Variants in NDUFS1 observed in about 807,000 individuals in gnomAD.
NDUFS1 encodes NADH-ubiquinone oxidoreductase 75 kDa subunit, mitochondrial.
Under a neutral mutation model 84.4 loss-of-function variants are expected in NDUFS1, and 61 were observed. The ratio of observed to expected loss-of-function variants is 0.72; its 90% CI spans 0.59 to 0.89. The LOEUF (loss-of-function observed/expected upper bound fraction) is 0.89. NDUFS1 is among the 40% of genes least tolerant of loss of function. NDUFS1 has a pLI of 0.00. For missense variants in NDUFS1, 891 were observed against 890.0 expected, an observed-to-expected ratio of 1.00 and a Z score of -0.01; for synonymous variants, 275 against 290.0, an observed-to-expected ratio of 0.95 and a Z score of 0.53.
chr2:206,157,330 A>G (rs1391204525), intron 1 of NDUFS1, among the ~76,000 whole-genome samples: 1 of 151,788 alleles, frequency 6.6e-6, no homozygotes, highest in African/African-American at 2.4e-5. Context: ...TTTTTGTTTT[A>G]CTTACTAAAC....
In NDUFS1 at chr2:206,132,798, C is replaced by T. The variant is rs183203559; in HGVS notation, c.1553+147G>A. 9.3e-4 allele frequency: 605 copies of T among 649,462 alleles called. 1 individual carries two copies. The highest frequency in any genetic ancestry group is 1.2e-3 in the Non-Finnish European group (453 of 388,008). The allele number at this position is 649,462 out of a possible 1,614,324, so 40.2% of individuals were successfully genotyped here. A position where few individuals can be genotyped will look rare whatever the true frequency, so the allele number is the denominator to read the frequency against. On this transcript the variant is annotated intron_variant, in intron 14 of 18. Transcript: ENST00000233190. ...CTTATCATCTCGGGCTCTTCTCACA[C>T]AGAGTAAAGGTCTATATTTCACATG...
In NDUFS1 at chr2:206,144,126, G is replaced by A. The variant is rs1692071906; in HGVS notation, c.879C>T (p.Ala293=). 6.2e-7 allele frequency: 1 copy of A among 1,611,448 alleles called. No individual in the cohort carries two copies. Among genetic ancestry groups the A allele is most frequent in the Non-Finnish European group, 8.5e-7 (1 of 1,177,658 alleles). ...EEWISDKTRF[A]YDGLKRQRLT... ...GTCTTTGACGTTTTAGCCCATCATA[G>A]GCAAATCTAGAAAACAGAAATTACA... The change falls in exon 10 of 19, where the codon GCC becomes GCT. Residue 293 remains alanine (A), a synonymous_variant. Coordinates refer to ENST00000233190, the MANE Select transcript of NDUFS1 (RefSeq NM_005006.7).
chr2:206,145,033 A>T lies in NDUFS1; in HGVS notation c.738-7T>A. 1.2e-6 allele frequency: 2 copies of T among 1,613,480 alleles called. No homozygotes were observed. Among genetic ancestry groups the T allele is most frequent in the Non-Finnish European group, 1.7e-6 (2 of 1,179,730 alleles). ...ATCAATGGATTCTGTCTTTCTGAGA[A>T]ACACATACGGTGTTTACTATGGTGC... On this transcript the variant is annotated splice_region_variant and splice_polypyrimidine_tract_variant and intron_variant, in intron 8 of 18. Transcript: ENST00000233190.
chr2:206,152,676 A>G (rs1471967901), intron 2 of NDUFS1, among the ~76,000 whole-genome samples, 166 bp from the exon 3 acceptor site: 2 of 149,538 alleles, frequency 1.3e-5, no homozygotes, highest in Admixed American at 1.3e-4. Context: ...ATAGCAGAGT[A>G]GTTTAAACTG....
intron 16 of NDUFS1, chr2:206,127,512 T>C (rs1279623675): frequency 3.2e-6 from 1 of 313,186 alleles, no homozygotes; most frequent in East Asian, 7.1e-5. Flanking sequence ...AGAAAAACTC[T>C]GTCTCAAAAA....
intron 15 of NDUFS1, 94 bp from the exon 16 acceptor site, chr2:206,128,066 T>C: frequency 1.4e-6 from 2 of 1,398,260 alleles, no homozygotes; most frequent in South Asian, 1.2e-5. Flanking sequence ...AAATCCCATT[T>C]TGTAAAGTCA....
intron 4 of NDUFS1, 149 bp from the exon 5 acceptor site, chr2:206,149,245 T>C (rs1257186821): frequency 3.0e-6 from 2 of 661,788 alleles, no homozygotes; most frequent in African/African-American, 3.6e-5. Context: ...AAACTGAATT[T>C]TGTTAAGTTT....
At chr2:206,127,764 T>C (rs1691348535) in intron 16 of NDUFS1, 33 bp downstream of exon 16, 9 of 1,607,944 alleles carry the variant, frequency 5.6e-6, no homozygotes, top group East Asian at 4.5e-5. Context: ...ATGCCTTTAG[T>C]AGCATCACTA....
rs1266249766 is a variant in NDUFS1, at chr2:206,121,390, A to C, written c.*2795T>G. ...TAACCTTAGTATTTGGCATTACGAC[A>C]CTAATATGTGCCCATGAGACAGACG... On this transcript the variant is annotated 3_prime_UTR_variant, in exon 19 of 19. Coordinates refer to ENST00000233190, the MANE Select transcript of NDUFS1 (RefSeq NM_005006.7). 1 of 152,196 alleles carries C rather than the reference A, an allele frequency of 6.6e-6. No homozygotes were observed. The highest frequency in any genetic ancestry group is 1.5e-5 in the Non-Finnish European group (1 of 68,038). The allele number at this position is 152,196 out of a possible 1,614,324, so 9.4% of individuals were successfully genotyped here.
Position 206,118,858 on chromosome 2 carries a change from C to G in NDUFS1, c.*5327G>C, listed in dbSNP as rs1222687470. 2 of 152,146 alleles carry G rather than the reference C, an allele frequency of 1.3e-5. No homozygotes were observed. The highest frequency in any genetic ancestry group is 2.9e-5 in the Non-Finnish European group (2 of 68,060). The allele number at this position is 152,146 out of a possible 1,614,324, so 9.4% of individuals were successfully genotyped here. ...ATCCCAGCACTCTGGGAGGTTGAGGCGGGTGGATCACCTGAGGTCAGGAGT... is the reference window on the plus strand; with the variant it reads ...ATCCCAGCACTCTGGGAGGTTGAGGGGGGTGGATCACCTGAGGTCAGGAGT... On this transcript the variant is annotated 3_prime_UTR_variant, in exon 19 of 19. Transcript: ENST00000233190.
chr2:206,153,056 T>C (rs1046581972), intron 2 of NDUFS1, among the ~76,000 whole-genome samples: 1 of 152,172 alleles, frequency 6.6e-6, no homozygotes, highest in Non-Finnish European at 1.5e-5. Context: ...AAGATCACTT[T>C]TCAAAAACAG....
Position 206,159,002 on chromosome 2 carries a change from A to G in NDUFS1, c.-5+339T>C, listed in dbSNP as rs899100172. 1.1e-5 allele frequency: 15 copies of G among 1,359,328 alleles called. No individual in the cohort carries two copies. The East Asian group carries it at 3.7e-4, about 34-fold the overall frequency. The allele number at this position is 1,359,328 out of a possible 1,614,324, so 84.2% of individuals were successfully genotyped here. On this transcript the variant is annotated intron_variant, in intron 1 of 18. Transcript: ENST00000233190. ...AGTCTTAAGGCCTAAGTCATCGGACACTGGTCCTCTCCCGGGGAATAAAAC... is the reference window on the plus strand; with the variant it reads ...AGTCTTAAGGCCTAAGTCATCGGACGCTGGTCCTCTCCCGGGGAATAAAAC...
rs369091692 is a variant in NDUFS1, at chr2:206,144,036, G to C, written c.969C>G (p.Leu323=). 8.7e-6 allele frequency: 14 copies of C among 1,611,798 alleles called. No homozygotes were observed. Among genetic ancestry groups the C allele is most frequent in the Non-Finnish European group, 1.2e-5 (14 of 1,177,922 alleles). ...ATTTTACCATTCCAGCTACGCGAGA[G>C]AGCGCATCCTCCCAAGAAGTATAGG... ...LLTYTSWEDA[L]SRVAGMLQSF... Residue 323 remains leucine (L), a synonymous_variant, in exon 10 of 19, where the codon CTC becomes CTG. Coordinates refer to ENST00000233190, the MANE Select transcript of NDUFS1 (RefSeq NM_005006.7).
At chr2:206,158,871 C>T (rs4147709) in intron 1 of NDUFS1, among the ~76,000 whole-genome samples, 5 of 151,666 alleles carry the variant, frequency 3.3e-5, no homozygotes, top group Non-Finnish European at 7.4e-5. Context: ...GTCAATGGAC[C>T]AAACAAACAA....
At chr2:206,132,695 G>GT (rs1559046968) in intron 14 of NDUFS1, among the ~76,000 whole-genome samples, 1 of 151,980 alleles carries the variant, frequency 6.6e-6, no homozygotes, top group Non-Finnish European at 1.5e-5. Context: ...GAACCAAGGT[G>GT]TAACTAATAT....
Position 206,142,697 on chromosome 2 carries a change from A to G in NDUFS1, c.1122T>C (p.Thr374=), listed in dbSNP as rs1265133955. Residue 374 remains threonine, a synonymous_variant, in exon 11 of 19, where the codon ACT becomes ACC. Transcript: ENST00000233190. Reference sequence around the variant, plus strand: ...TTCATATTTCTCACCCAGCTCCTGCAGTGGGGAAGACCTCTTCAGTGCATA... The same window carrying G: ...TTCATATTTCTCACCCAGCTCCTGCGGTGGGGAAGACCTCTTCAGTGCATA... ...DTLCTEEVFP[T]AGAGTDLRSN... The G allele has an allele frequency of 2.5e-6, 4 of 1,614,118 alleles. No homozygotes were observed. Among genetic ancestry groups the G allele is most frequent in the Admixed American group, 3.3e-5 (2 of 60,004 alleles).
intron 3 of NDUFS1, 112 bp downstream of exon 3, chr2:206,152,306 CT>C: frequency 1.3e-6 from 1 of 787,952 alleles, no homozygotes; most frequent in East Asian, 2.8e-5. Flanking sequence ...TATAACTTTG[CT>C]GTGTATAGTT....
Position 206,159,334 on chromosome 2 carries a change from A to C in NDUFS1, c.-5+7T>G, listed in dbSNP as rs2105782052. On this transcript the variant is annotated splice_region_variant and intron_variant, in intron 1 of 18. Transcript: ENST00000233190. ...ACCTCACCCTTCCCATCCATACAAG[A>C]CCTCACCTTCTCCCCGGAGCCGCGG... 1.6e-6 allele frequency: 1 copy of C among 612,452 alleles called. No individual in the cohort carries two copies. Among genetic ancestry groups the C allele is most frequent in the East Asian group, 2.8e-5 (1 of 36,294 alleles). 37.9% of individuals were successfully genotyped at this position (612,452 alleles called of 1,614,324 possible). A position where few individuals can be genotyped will look rare whatever the true frequency, so the allele number is the denominator to read the frequency against.
intron 1 of NDUFS1, 179 bp downstream of exon 1, chr2:206,159,162 C>T: frequency 6.5e-7 from 1 of 1,535,620 alleles, no homozygotes; most frequent in Non-Finnish European, 8.7e-7. Flanking sequence ...AGACCAGAGA[C>T]CGTGGCTAAA....
Sources: gnomAD v4.1 joint callset for allele counts (sites outside exome capture counted in the v4.1 genomes callset) on GRCh38, gnomAD v4.1.1 for gene constraint, MANE v1.5 for transcripts, NCBI Gene and HGNC (gene_info 2026-07-23, HGNC 2026-07-21) for gene names.